The following NDRG2 variants were observed in gnomAD, a reference collection of about 807,000 sequenced individuals.
NDRG2 encodes the protein protein NDRG2.
A neutral mutation model predicts 58.2 loss-of-function variants in NDRG2; 34 were observed. The ratio of observed to expected loss-of-function variants is 0.58; its 90% CI spans 0.44 to 0.78. The LOEUF is 0.78. Ranked by LOEUF, NDRG2 falls within the 30% of genes least tolerant of loss-of-function variation. The pLI, the probability that NDRG2 is intolerant of heterozygous loss-of-function variation, is 0.00. For synonymous variants in NDRG2, 187 were observed against 175.9 expected, an observed-to-expected ratio of 1.06 and a Z score of -0.50; for missense variants, 434 against 471.2, an observed-to-expected ratio of 0.92 and a Z score of 0.73.
intron 1 of NDRG2, among the ~76,000 whole-genome samples, chr14:21,068,773 C>T (rs1886435601): frequency 6.6e-6 from 1 of 152,220 alleles, no homozygotes; most frequent in South Asian, 2.1e-4. Context: ...GGCTTGTTGC[C>T]ATAGGTTCTT....
At chr14:21,037,517 A>T (rs1884701592) in intron 1 of NDRG2, among the ~76,000 whole-genome samples, 1 of 152,264 alleles carries the variant, frequency 6.6e-6, no homozygotes. Flanking sequence ...TGGTTGTCAC[A>T]ACCAGGAGTT....
rs1879612981 is a variant in NDRG2, at chr14:21,020,594, C to A, written c.469-12G>T. On this transcript the variant is annotated splice_polypyrimidine_tract_variant and intron_variant, in intron 7 of 15. Coordinates refer to ENST00000556147, the MANE Select transcript of NDRG2 (RefSeq NM_001320329.2). ...TCCGGGTGGTTAAGCTGAGGGACAG[C>A]AGAAGGAAGGAAATGAGAAACAGGG... 1 of 1,612,556 alleles carries A rather than the reference C, an allele frequency of 6.2e-7. No individual in the cohort carries two copies.
chr14:21,055,267 T>C (rs1885624758), intron 1 of NDRG2, among the ~76,000 whole-genome samples: 2 of 152,250 alleles, frequency 1.3e-5, no homozygotes, highest in Admixed American at 1.3e-4. Context: ...AAGATTGTTT[T>C]CCAATGTAGT....
chr14:21,030,935 G>A, intron 1 of NDRG2: 1 of 1,543,990 alleles, frequency 6.5e-7, no homozygotes, highest in Non-Finnish European at 8.7e-7. Flanking sequence ...GGCCAAATCT[G>A]AGTGAGGCAA....
Position 21,024,202 on chromosome 14 carries a change from C to T in NDRG2, c.-179G>A, listed in dbSNP as rs1166400506. ...CCAGACTCCCAGGGTCATCAACCTC[C>T]TCGGGTCACTAACCCTCCCCAGTGT... is the stretch of plus-strand genomic sequence containing the variant. On this transcript the variant is annotated 5_prime_UTR_variant, in exon 1 of 16. Coordinates refer to ENST00000556147, the MANE Select transcript of NDRG2 (RefSeq NM_001320329.2). The T allele has an allele frequency of 1.0e-6, 1 of 985,488 alleles. No homozygotes were observed. Among genetic ancestry groups the T allele is most frequent in the African/African-American group, 1.7e-5 (1 of 57,346 alleles). The allele number at this position is 985,488 out of a possible 1,614,324, so 61.0% of individuals were successfully genotyped here.
chr14:21,069,568 C>T (rs1438998524), intron 1 of NDRG2, among the ~76,000 whole-genome samples: 1 of 152,226 alleles, frequency 6.6e-6, no homozygotes, highest in Non-Finnish European at 1.5e-5. Context: ...GGAACCCTGC[C>T]CCCTTGGCCA....
Position 21,070,374 on chromosome 14 carries a change from C to G in NDRG2, c.24+454G>C. The G allele has an allele frequency of 7.1e-7, 1 of 1,407,466 alleles. No homozygotes were observed. The highest frequency in any genetic ancestry group is 9.2e-7 in the Non-Finnish European group (1 of 1,089,234). The allele number at this position is 1,407,466 out of a possible 1,614,324, so 87.2% of individuals were successfully genotyped here. A position where few individuals can be genotyped will look rare whatever the true frequency, so the allele number is the denominator to read the frequency against. On this transcript the variant is annotated intron_variant, in intron 1 of 14. Coordinates refer to the NDRG2 transcript ENST00000403829. The surrounding 1 kb of genome is among the most constrained non-coding windows in gnomAD (Gnocchi z 4.7). Reference sequence around the variant, plus strand: ...CGGCCCCGCCCGCCCGACCAAGCGTCGGACGCGGCCCGGCGCCGAGCCATG... The same window carrying G: ...CGGCCCCGCCCGCCCGACCAAGCGTGGGACGCGGCCCGGCGCCGAGCCATG...
upstream of NDRG2, chr14:21,025,766 G>T: frequency 1.1e-6 from 1 of 918,672 alleles, no homozygotes. This position sits in a 1 kb window ranked among gnomAD's most constrained non-coding sequence, Gnocchi z 5.1. Context: ...GGCGGGGAAT[G>T]CGGGGGGCCG....
At chr14:21,042,576 T>C (rs887196543) in intron 1 of NDRG2, 8 of 197,362 alleles carry the variant, frequency 4.1e-5, no homozygotes, top group Admixed American at 3.7e-4. Context: ...AGGACACGCA[T>C]TGGGGAAAGG....
chr14:21,024,826 C>T lies in NDRG2; in HGVS notation c.-803G>A. On this transcript the variant is annotated 5_prime_UTR_variant, in exon 1 of 16. Transcript: ENST00000556147. ...GTGGCCGGTGCCAAGCGCCCCGGAC[C>T]TTGCACACAACCTCGCGCGCACCCC... 8.1e-6 allele frequency: 8 copies of T among 985,778 alleles called. No individual in the cohort carries two copies. The highest frequency in any genetic ancestry group is 9.6e-6 in the Non-Finnish European group (8 of 830,196). The allele number at this position is 985,778 out of a possible 1,614,324, so 61.1% of individuals were successfully genotyped here. A position where few individuals can be genotyped will look rare whatever the true frequency, so the allele number is the denominator to read the frequency against.
At chr14:21,052,006 C>T (rs1885490230) in intron 1 of NDRG2, among the ~76,000 whole-genome samples, 1 of 152,170 alleles carries the variant, frequency 6.6e-6, no homozygotes, top group African/African-American at 2.4e-5. Context: ...TCAGAGTCTA[C>T]TATTAGGCCT....
Position 21,054,935 on chromosome 14 carries a change from CCTG to C in NDRG2, c.24+15890_24+15892del, listed in dbSNP as rs565743061. Among the ~76,000 whole-genome samples, 29 of 152,194 alleles carry C rather than the reference CCTG, an allele frequency of 1.9e-4. No homozygotes were observed. The East Asian group carries it at 4.8e-3, about 25-fold the overall frequency. On this transcript the variant is annotated intron_variant, in intron 1 of 14. Transcript: ENST00000403829. ...TGATGCTTGGTAGCATCTCTTTCCT[CCTG>C]CTGCTGCTGTACAGCCCTGTGCTGA...
chr14:21,058,053 T>C lies in NDRG2; in HGVS notation c.24+12775A>G, dbSNP rs763738906. On this transcript the variant is annotated intron_variant, in intron 1 of 14. Coordinates refer to the NDRG2 transcript ENST00000403829. ...AGCCCTCAAGCATGCAACTCAGCCATGAGCATCATCAATAAGTACACAGAA... is the reference window on the plus strand; with the variant it reads ...AGCCCTCAAGCATGCAACTCAGCCACGAGCATCATCAATAAGTACACAGAA... The C allele has an allele frequency of 7.4e-6, 12 of 1,613,992 alleles. No homozygotes were observed. Among genetic ancestry groups the C allele is most frequent in the African/African-American group, 1.3e-5 (1 of 74,882 alleles).
At chr14:21,039,089 G>A (rs1005173525) in intron 1 of NDRG2, among the ~76,000 whole-genome samples, 1 of 152,232 alleles carries the variant, frequency 6.6e-6, no homozygotes, top group Non-Finnish European at 1.5e-5. Context: ...TCCAGAGGCT[G>A]TGTGGAACTC....
At chr14:21,039,959 G>A (rs1470432695) in intron 1 of NDRG2, among the ~76,000 whole-genome samples, 1 of 152,166 alleles carries the variant, frequency 6.6e-6, no homozygotes, top group Non-Finnish European at 1.5e-5. Context: ...GAAGTAGAAA[G>A]GAGACCAAGC....
intron 1 of NDRG2, among the ~76,000 whole-genome samples, chr14:21,049,766 C>CTTTTTTT (rs113735552): frequency 7.2e-6 from 1 of 139,044 alleles, no homozygotes; most frequent in African/African-American, 2.6e-5. Flanking sequence ...CATCTTTCTT[C>CTTTTTTT]TTTTTTTTTT....
chr14:21,067,282 G>GTTTTTTTT (rs11444511), intron 1 of NDRG2, among the ~76,000 whole-genome samples: 2 of 150,614 alleles, frequency 1.3e-5, no homozygotes, highest in Non-Finnish European at 3.0e-5. Context: ...AAAAAGGTAG[G>GTTTTTTTT]TTTTTTTTTT....
In NDRG2 at chr14:21,040,070, G is replaced by A. The variant is rs144698041; in HGVS notation, c.25-16749C>T. Among the ~76,000 whole-genome samples the A allele has an allele frequency of 7.6e-3, 1,158 of 152,256 alleles. 15 individuals are homozygous for A. Among genetic ancestry groups the A allele is most frequent in the African/African-American group, 0.026 (1,090 of 41,542 alleles). On this transcript the variant is annotated intron_variant, in intron 1 of 14. Coordinates refer to the NDRG2 transcript ENST00000403829. ...TTTGATACACAGCCTGGTTTAAACC[G>A]TGGATTTTATCTCCTAACATTCATG...
At chr14:21,066,962 G>A (rs1374208542) in intron 1 of NDRG2, among the ~76,000 whole-genome samples, 3 of 152,244 alleles carry the variant, frequency 2.0e-5, no homozygotes, top group Non-Finnish European at 4.4e-5. Context: ...ACAAGAACAC[G>A]TGCTCTCAAG....
Sources: gnomAD v4.1 joint callset for allele counts (sites outside exome capture counted in the v4.1 genomes callset) on GRCh38, gnomAD v4.1.1 for gene constraint, Gnocchi (gnomAD v3.1) non-coding constraint, MANE v1.5 for transcripts, NCBI Gene and HGNC (gene_info 2026-07-23, HGNC 2026-07-21) for gene names.